ZNF831: variants seen among roughly 807,000 people sequenced by gnomAD.
ZNF831 encodes zinc finger protein 831, also known as chromosome 20 open reading frame 174.
In ZNF831, 59 loss-of-function variants were observed where a neutral mutation model predicts 95.8. The observed-to-expected ratio is 0.62, with a 90% CI of 0.50 to 0.77. The LOEUF (loss-of-function observed/expected upper bound fraction) is 0.77. ZNF831 is among the 30% of genes least tolerant of loss of function. ZNF831 has a pLI of 0.00. For synonymous variants in ZNF831, 961 were observed against 925.5 expected (o/e 1.04, Z -0.70); for missense variants, 2,205 against 2,164.0 (o/e 1.02, Z -0.38).
chr20:59,161,113 T>C (rs1327433043), upstream of ZNF831, among the ~76,000 whole-genome samples: 5 of 152,206 alleles, frequency 3.3e-5, no homozygotes, highest in Admixed American at 2.6e-4. Context: ...TTATATTGAA[T>C]TGATATAACT....
At chr20:59,213,921 C>G (rs1055912739) in intron 4 of ZNF831, among the ~76,000 whole-genome samples, 15 of 152,166 alleles carry the variant, frequency 9.9e-5, no homozygotes, top group Non-Finnish European at 4.4e-5. Flanking sequence ...TCCTCTCTCT[C>G]CCACACTACA....
intron 4 of ZNF831, among the ~76,000 whole-genome samples, chr20:59,238,326 C>G (rs147911576): frequency 6.6e-6 from 1 of 152,328 alleles, no homozygotes; most frequent in African/African-American, 2.4e-5. Context: ...AGCTGGGAAG[C>G]TGGTTCCCAT....
At chr20:59,224,667 G>T (rs1046636199) in intron 4 of ZNF831, among the ~76,000 whole-genome samples, 2 of 152,206 alleles carry the variant, frequency 1.3e-5, no homozygotes, top group Admixed American at 1.3e-4. Context: ...TTCTTAAAAT[G>T]TTGAGGTTTT....
chr20:59,249,530 G>A (rs144133907), intron 4 of ZNF831, among the ~76,000 whole-genome samples: 210 of 152,260 alleles, frequency 1.4e-3, no homozygotes, highest in Non-Finnish European at 2.2e-3. Context: ...TCAAGGTGGA[G>A]CATGGTGCCT....
chr20:59,162,020 G>C (rs1342679039), upstream of ZNF831, among the ~76,000 whole-genome samples: 1 of 152,206 alleles, frequency 6.6e-6, no homozygotes, highest in African/African-American at 2.4e-5. Context: ...AATCAGAGAT[G>C]ATGAGCATTT....
intron 1 of ZNF831, among the ~76,000 whole-genome samples, chr20:59,141,163 G>A (rs1292117769): frequency 2.6e-5 from 4 of 152,198 alleles, no homozygotes; most frequent in African/African-American, 9.7e-5. Context: ...GCCTCCCAAA[G>A]TGTTGGGATT....
At chr20:59,211,309 C>T (rs1052580391) in intron 4 of ZNF831, among the ~76,000 whole-genome samples, 1 of 152,222 alleles carries the variant, frequency 6.6e-6, no homozygotes, top group Non-Finnish European at 1.5e-5. Flanking sequence ...AAAGGCCCTC[C>T]TCTCCAGCAA....
chr20:59,222,281 G>A (rs1275125483), intron 4 of ZNF831, among the ~76,000 whole-genome samples: 1 of 152,174 alleles, frequency 6.6e-6, no homozygotes, highest in African/African-American at 2.4e-5. Context: ...GCTGCAGGGT[G>A]CCCGGGCGGG....
chr20:59,234,976 T>C (rs1986920613), intron 4 of ZNF831, among the ~76,000 whole-genome samples: 1 of 152,188 alleles, frequency 6.6e-6, no homozygotes, highest in South Asian at 2.1e-4. Context: ...GGTTTTTCCC[T>C]AATGCCCTCT....
intron 4 of ZNF831, among the ~76,000 whole-genome samples, chr20:59,251,134 G>A (rs6092756): frequency 0.095 from 14,519 of 152,168 alleles, 1,790 homozygotes; most frequent in African/African-American, 0.29. Flanking sequence ...TACAATGTGT[G>A]TATATTTCAA....
chr20:59,245,044 C>G (rs1295238144), intron 4 of ZNF831, among the ~76,000 whole-genome samples: 1 of 152,182 alleles, frequency 6.6e-6, no homozygotes, highest in African/African-American at 2.4e-5. Flanking sequence ...ACTCTCCCAT[C>G]AATATTTTTA....
chr20:59,162,206 C>T (rs886476781), upstream of ZNF831, among the ~76,000 whole-genome samples: 2 of 152,140 alleles, frequency 1.3e-5, no homozygotes, highest in African/African-American at 4.8e-5. Flanking sequence ...CATAGGTTGT[C>T]TGTTTACATT....
chr20:59,238,354 C>T (rs530825591), intron 4 of ZNF831, among the ~76,000 whole-genome samples: 1 of 152,244 alleles, frequency 6.6e-6, no homozygotes, highest in African/African-American at 2.4e-5. Flanking sequence ...GTGTCCTGAC[C>T]CCCCAGTTTC....
At chr20:59,151,547 G>A (rs1980237760) in intron 2 of ZNF831, among the ~76,000 whole-genome samples, 6 of 152,136 alleles carry the variant, frequency 3.9e-5, no homozygotes. Flanking sequence ...AAAATAACTT[G>A]GCCACAACTG....
intron 4 of ZNF831, among the ~76,000 whole-genome samples, chr20:59,233,421 G>C (rs1986845141): frequency 6.6e-6 from 1 of 152,266 alleles, no homozygotes; most frequent in African/African-American, 2.4e-5. Context: ...GGTGGCCTGA[G>C]AATGAAGGGG....
At chr20:59,228,137 A>G (rs1456407770) in intron 4 of ZNF831, among the ~76,000 whole-genome samples, 1 of 152,186 alleles carries the variant, frequency 6.6e-6, no homozygotes, top group African/African-American at 2.4e-5. Flanking sequence ...TATCAAATGT[A>G]TGTTTACCTG....
chr20:59,184,785 C>T (rs1982881577), intron 1 of ZNF831, among the ~76,000 whole-genome samples: 1 of 152,212 alleles, frequency 6.6e-6, no homozygotes, highest in Non-Finnish European at 1.5e-5. Flanking sequence ...TTCATGTTCT[C>T]TCTTTGCCCA....
At chr20:59,236,835 C>T (rs1007543907) in intron 4 of ZNF831, among the ~76,000 whole-genome samples, 10 of 152,032 alleles carry the variant, frequency 6.6e-5, no homozygotes, top group African/African-American at 2.2e-4. Flanking sequence ...TCTTTTTCTC[C>T]CCCATCCCAG....
At chr20:59,195,322 G>C (rs557142843) in intron 2 of ZNF831, among the ~76,000 whole-genome samples, 2 of 152,196 alleles carry the variant, frequency 1.3e-5, no homozygotes, top group Non-Finnish European at 2.9e-5. Flanking sequence ...GGGGGTTCAC[G>C]CACCTGGTTG....
Sources: gnomAD v4.1 joint callset for allele counts (sites outside exome capture counted in the v4.1 genomes callset) on GRCh38, gnomAD v4.1.1 for gene constraint, MANE v1.5 for transcripts, NCBI Gene and HGNC (gene_info 2026-07-23, HGNC 2026-07-21) for gene names.